The following EXT2 variants were observed in gnomAD, a reference collection of about 807,000 sequenced individuals.
The protein encoded by EXT2 is exostosin glycosyltransferase 2, also known as exostosin-2.
Under a neutral mutation model 81.6 loss-of-function variants are expected in EXT2, and 53 were observed. The ratio of observed to expected loss-of-function variants is 0.65; its 90% CI spans 0.52 to 0.82. The LOEUF is 0.82. EXT2 is among the 40% of genes least tolerant of loss of function. The pLI is 0.00. For missense variants in EXT2, 774 were observed against 910.2 expected (o/e 0.85, Z 1.93); for synonymous variants, 320 against 340.0 (o/e 0.94, Z 0.65).
chr11:44,165,007 T>C (rs527566863), intron 7 of EXT2, among the ~76,000 whole-genome samples: 1 of 151,562 alleles, frequency 6.6e-6, no homozygotes, highest in Admixed American at 6.6e-5. Context: ...GCCTCCCAAG[T>C]AGCTGGGACT....
intron 8 of EXT2, among the ~76,000 whole-genome samples, chr11:44,183,714 A>G (rs1031523215): frequency 5.3e-5 from 8 of 151,622 alleles, no homozygotes; most frequent in African/African-American, 1.9e-4. Context: ...ATCTTTGACT[A>G]ATGTGTTTTT....
chr11:44,250,200 G>A lies in EXT2; in HGVS notation c.*5913G>A, dbSNP rs1564993801. On this transcript the variant is annotated 3_prime_UTR_variant, in exon 14 of 14. Coordinates refer to ENST00000533608, the MANE Select transcript of EXT2 (RefSeq NM_207122.2). ...TAGTGGGAGTTCTTGAGCTTGGTAA[G>A]ATGATGTGAGTCCATCAGTGGCCCA... Among the ~76,000 whole-genome samples the A allele has an allele frequency of 6.6e-6, 1 of 152,242 alleles. No individual in the cohort carries two copies. Among genetic ancestry groups the A allele is most frequent in the African/African-American group, 2.4e-5 (1 of 41,468 alleles).
intron 4 of EXT2, among the ~76,000 whole-genome samples, 175 bp downstream of exon 4, chr11:44,114,476 C>T (rs959355437): frequency 5.9e-5 from 9 of 152,188 alleles, no homozygotes; most frequent in Middle Eastern, 3.2e-3. Flanking sequence ...TTGCAGTTTT[C>T]TCTGTCTCCT....
At chr11:44,114,830 C>A (rs1298873233) in intron 4 of EXT2, among the ~76,000 whole-genome samples, 1 of 152,238 alleles carries the variant, frequency 6.6e-6, no homozygotes, top group African/African-American at 2.4e-5. Flanking sequence ...TCTCTTTCAT[C>A]TGACCACTAT....
intron 7 of EXT2, among the ~76,000 whole-genome samples, chr11:44,138,768 C>T (rs181522390): frequency 3.9e-4 from 59 of 152,252 alleles, no homozygotes; most frequent in Admixed American, 2.2e-3. Flanking sequence ...TCCTGCTCTG[C>T]CGGGTGTGTA....
intron 7 of EXT2, among the ~76,000 whole-genome samples, chr11:44,165,099 C>T (rs570483338): frequency 3.9e-5 from 6 of 152,092 alleles, no homozygotes; most frequent in South Asian, 2.1e-4. Context: ...GGGATGGTCT[C>T]GATCTCCTGA....
chr11:44,109,078 C>A, intron 2 of EXT2, 116 bp from the exon 3 acceptor site: 1 of 1,030,610 alleles, frequency 9.7e-7, no homozygotes, highest in Non-Finnish European at 1.5e-6. Context: ...GCTTTGCATA[C>A]CTGAGAAGCG....
intron 4 of EXT2, among the ~76,000 whole-genome samples, chr11:44,120,200 A>G (rs1224407364): frequency 6.6e-6 from 1 of 152,210 alleles, no homozygotes; most frequent in Non-Finnish European, 1.5e-5. Context: ...CTAGTAATTT[A>G]GTGTCTCTAA....
intron 10 of EXT2, among the ~76,000 whole-genome samples, chr11:44,227,683 G>T (rs76466245): frequency 6.6e-6 from 1 of 152,176 alleles, no homozygotes; most frequent in African/African-American, 2.4e-5. Flanking sequence ...ACCTCAGGAG[G>T]CTCAAGAAAG....
intron 7 of EXT2, among the ~76,000 whole-genome samples, chr11:44,168,412 G>A (rs761776298): frequency 1.3e-5 from 2 of 152,124 alleles, no homozygotes; most frequent in African/African-American, 2.4e-5. Flanking sequence ...AGAGGAGAGT[G>A]CAACAGAAAT....
At chr11:44,102,664 C>T (rs1954003014) in intron 1 of EXT2, among the ~76,000 whole-genome samples, 1 of 151,448 alleles carries the variant, frequency 6.6e-6, no homozygotes, top group Non-Finnish European at 1.5e-5. Context: ...TCTGCTGAGG[C>T]CACTTGGGAC....
intron 10 of EXT2, among the ~76,000 whole-genome samples, chr11:44,221,655 A>T (rs1211259151): frequency 6.6e-6 from 1 of 152,160 alleles, no homozygotes; most frequent in Non-Finnish European, 1.5e-5. Context: ...TGTGATAGAG[A>T]TGCTCCAAGG....
intron 9 of EXT2, among the ~76,000 whole-genome samples, chr11:44,203,705 T>C (rs1235655078): frequency 6.6e-6 from 1 of 152,064 alleles, no homozygotes; most frequent in African/African-American, 2.4e-5. Context: ...TACTTACACT[T>C]GCTAGAGACA....
At chr11:44,163,202 T>C (rs1954950212) in intron 7 of EXT2, among the ~76,000 whole-genome samples, 1 of 152,218 alleles carries the variant, frequency 6.6e-6, no homozygotes, top group African/African-American at 2.4e-5. Flanking sequence ...TTCCCTCGAA[T>C]TTTAAGTTAG....
At chr11:44,212,505 G>A (rs148518520) in intron 10 of EXT2, among the ~76,000 whole-genome samples, 1 of 152,168 alleles carries the variant, frequency 6.6e-6, no homozygotes, top group African/African-American at 2.4e-5. Context: ...CTGAGTGTTG[G>A]TGAGGCTGTG....
At chr11:44,241,166 T>C (rs145392191) in intron 13 of EXT2, among the ~76,000 whole-genome samples, 18 of 152,292 alleles carry the variant, frequency 1.2e-4, no homozygotes, top group Non-Finnish European at 2.4e-4. Flanking sequence ...CCAGCTTCCA[T>C]TTCCAGGATC....
intron 7 of EXT2, chr11:44,144,162 T>A: frequency 8.6e-7 from 1 of 1,163,336 alleles, no homozygotes; most frequent in Non-Finnish European, 1.3e-6. Context: ...GCAGATTCCT[T>A]TATAGCTAGT....
At chr11:44,167,144 TTAGA>T (rs1479577992) in intron 7 of EXT2, among the ~76,000 whole-genome samples, 4 of 152,154 alleles carry the variant, frequency 2.6e-5, no homozygotes, top group Non-Finnish European at 4.4e-5. Context: ...CCTACAGGAC[TTAGA>T]GGTTGGAGTT....
intron 7 of EXT2, among the ~76,000 whole-genome samples, chr11:44,132,751 G>A (rs531745386): frequency 2.0e-5 from 3 of 152,046 alleles, no homozygotes; most frequent in Non-Finnish European, 2.9e-5. Flanking sequence ...GCACTTTCCC[G>A]GCCCCCTTTC....
Sources: gnomAD v4.1 joint callset for allele counts (sites outside exome capture counted in the v4.1 genomes callset) on GRCh38, gnomAD v4.1.1 for gene constraint, MANE v1.5 for transcripts, NCBI Gene and HGNC (gene_info 2026-07-23, HGNC 2026-07-21) for gene names.